Variants in RSPH14 observed in about 807,000 individuals in gnomAD.
The protein encoded by RSPH14 is rhabdoid tumor deletion region gene 1.
RSPH14 carries 20 observed loss-of-function variants against 26.7 expected under a neutral mutation model. The observed-to-expected ratio is 0.75, with a 90% CI of 0.53 to 1.09. The LOEUF is 1.09. Ranked by LOEUF, RSPH14 falls within the 50% of genes least tolerant of loss-of-function variation. The probability of loss-of-function intolerance (pLI) is 0.00; values close to 1 mark genes in which losing one functional copy is unlikely to be tolerated. For synonymous variants in RSPH14, 177 were observed against 189.3 expected (o/e 0.93, Z 0.53); for missense variants, 449 against 457.2 (o/e 0.98, Z 0.16).
At chr22:23,171,963 C>A in the RSPH14 span, among the ~76,000 whole-genome samples, 9 of 151,726 alleles carry the variant, frequency 5.9e-5, no homozygotes, top group Non-Finnish European at 2.9e-5. Flanking sequence ...AGTCCTCAAG[C>A]ACCTGGTTAC....
intron 4 of RSPH14, among the ~76,000 whole-genome samples, chr22:23,099,638 G>A (rs987363062): frequency 6.6e-5 from 10 of 152,268 alleles, no homozygotes; most frequent in Admixed American, 3.9e-4. Flanking sequence ...GCTCCTGAGA[G>A]GCCATGTGTC....
the RSPH14 span, among the ~76,000 whole-genome samples, chr22:23,169,489 G>A: frequency 1.3e-5 from 2 of 152,188 alleles, no homozygotes; most frequent in South Asian, 2.1e-4. Flanking sequence ...CTTTTAATTC[G>A]GGCTCAGGCA....
At chr22:23,180,505 C>T in the RSPH14 span, 2 of 167,836 alleles carry the variant, frequency 1.2e-5, no homozygotes, top group Non-Finnish European at 2.6e-5. Flanking sequence ...CCCCTTCCTG[C>T]GGCGCAGAGT....
chr22:23,170,300 T>G, the RSPH14 span, among the ~76,000 whole-genome samples: 3 of 152,172 alleles, frequency 2.0e-5, no homozygotes, highest in Admixed American at 2.0e-4. Context: ...GAAATTTATT[T>G]CTCACAGTCC....
rs370159459 is a variant in RSPH14, at chr22:23,085,486, G to A, written c.422-21353C>T. Among the ~76,000 whole-genome samples, 175 of 152,332 alleles carry A rather than the reference G, an allele frequency of 1.1e-3. 1 individual carries two copies. Among genetic ancestry groups the A allele is most frequent in the African/African-American group, 4.1e-3 (170 of 41,584 alleles). On this transcript the variant is annotated intron_variant, in intron 4 of 6. Coordinates refer to ENST00000216036, the MANE Select transcript of RSPH14 (RefSeq NM_014433.3). ...AGGGTGGAAGGCCTCAGGCCTGGGC[G>A]CACGTGCTGGGTGATTTAGGAGCAA...
At chr22:23,081,630 T>G (rs1023986114) in intron 4 of RSPH14, among the ~76,000 whole-genome samples, 3 of 151,842 alleles carry the variant, frequency 2.0e-5, no homozygotes, top group Admixed American at 6.6e-5. Context: ...GAGACCAATG[T>G]GGCCAACATG....
At chr22:23,122,968 T>G (rs2070074549) in intron 4 of RSPH14, 1 of 666,412 alleles carries the variant, frequency 1.5e-6, no homozygotes, top group African/African-American at 1.8e-5. Flanking sequence ...GAGGTGCCAT[T>G]GCAGGGACCA....
rs1319354977 is a variant in RSPH14, at chr22:23,138,812, C to T, written c.302+28G>A. On this transcript the variant is annotated intron_variant, in intron 3 of 6. Transcript: ENST00000216036. ...GGGGAGAAGTGCGGCTCGCAAGCGTCACACTGGTTTCCAGAACAGCATCCC... is the reference window on the plus strand; with the variant it reads ...GGGGAGAAGTGCGGCTCGCAAGCGTTACACTGGTTTCCAGAACAGCATCCC... The T allele has an allele frequency of 2.0e-6, 3 of 1,538,288 alleles. No individual in the cohort carries two copies. In the Admixed American group the frequency reaches 5.9e-5, roughly 30 times the overall value.
intron 1 of RSPH14, among the ~76,000 whole-genome samples, 151 bp downstream of exon 1, chr22:23,141,798 G>A (rs1217347305): frequency 6.6e-6 from 1 of 152,244 alleles, no homozygotes; most frequent in Non-Finnish European, 1.5e-5. Flanking sequence ...ACAGGGGCCT[G>A]CCTTCTTCTA....
At chr22:23,084,059 G>A (rs1453007925) in intron 4 of RSPH14, among the ~76,000 whole-genome samples, 1 of 152,168 alleles carries the variant, frequency 6.6e-6, no homozygotes, top group Non-Finnish European at 1.5e-5. Flanking sequence ...GAGCTATGCA[G>A]GCGATCTTTC....
intron 4 of RSPH14, chr22:23,124,026 G>A: frequency 4.3e-6 from 1 of 232,224 alleles, no homozygotes; most frequent in Non-Finnish European, 8.7e-6. Flanking sequence ...CAGACCTCCA[G>A]CCACTCACAG....
chr22:23,105,522 G>A (rs2069442415), intron 4 of RSPH14, among the ~76,000 whole-genome samples: 1 of 152,228 alleles, frequency 6.6e-6, no homozygotes, highest in Admixed American at 6.5e-5. Context: ...AGTGCCAGCG[G>A]CTAGGAGTGC....
At chr22:23,129,827 G>A (rs1041027190) in intron 4 of RSPH14, among the ~76,000 whole-genome samples, 3 of 151,808 alleles carry the variant, frequency 2.0e-5, no homozygotes, top group Non-Finnish European at 2.9e-5. Context: ...GGCTGAGTCA[G>A]GAGAATCACT....
intron 4 of RSPH14, among the ~76,000 whole-genome samples, chr22:23,064,549 C>T (rs1387030001): frequency 6.6e-6 from 1 of 152,186 alleles, no homozygotes; most frequent in Non-Finnish European, 1.5e-5. Context: ...CCAGCCAAGC[C>T]CCCGCTTCCC....
chr22:23,141,073 T>C (rs1221059219), intron 1 of RSPH14, among the ~76,000 whole-genome samples: 10 of 152,200 alleles, frequency 6.6e-5, no homozygotes, highest in Admixed American at 6.5e-4. Flanking sequence ...CTCACGCCTG[T>C]AATCCCAGCA....
At chr22:23,115,147 G>T (rs765675417) in intron 4 of RSPH14, among the ~76,000 whole-genome samples, 9 of 152,196 alleles carry the variant, frequency 5.9e-5, no homozygotes, top group Non-Finnish European at 8.8e-5. Context: ...TGGAGAGTGA[G>T]TGGACAGGGA....
chr22:23,118,991 C>A (rs1181022293), intron 4 of RSPH14, among the ~76,000 whole-genome samples: 1 of 152,226 alleles, frequency 6.6e-6, no homozygotes, highest in South Asian at 2.1e-4. Context: ...GTGAGCAGAG[C>A]ATGGACAGGT....
intron 4 of RSPH14, among the ~76,000 whole-genome samples, chr22:23,118,666 T>C (rs1445581623): frequency 6.6e-6 from 1 of 152,220 alleles, no homozygotes; most frequent in Middle Eastern, 3.2e-3. Context: ...GGGTCATGGT[T>C]GGCAGAGGCA....
At chr22:23,069,247 T>C (rs1569155805) in intron 4 of RSPH14, among the ~76,000 whole-genome samples, 1 of 152,108 alleles carries the variant, frequency 6.6e-6, no homozygotes, top group Non-Finnish European at 1.5e-5. Flanking sequence ...GGGCTGCTGC[T>C]CAAAGAATGG....
Sources: gnomAD v4.1 joint callset for allele counts (sites outside exome capture counted in the v4.1 genomes callset) on GRCh38, gnomAD v4.1.1 for gene constraint, MANE v1.5 for transcripts, NCBI Gene and HGNC (gene_info 2026-07-23, HGNC 2026-07-21) for gene names.